Variants in STIM1 observed in about 807,000 individuals in gnomAD.
STIM1 encodes stromal interaction molecule 1.
In STIM1, 25 loss-of-function variants were observed where a neutral mutation model predicts 74.7. The observed-to-expected ratio is 0.33, with a 90% confidence interval of 0.24 to 0.47. The LOEUF is 0.47. STIM1 is among the 20% of genes least tolerant of loss of function. The pLI, the probability that STIM1 is intolerant of heterozygous loss-of-function variation, is 1.00. For missense variants in STIM1, 728 were observed against 920.8 expected (o/e 0.79, Z 2.71); for synonymous variants, 328 against 348.8 (o/e 0.94, Z 0.66).
At chr11:3,940,358 C>A (rs1268347943) in intron 1 of STIM1, among the ~76,000 whole-genome samples, 1 of 152,054 alleles carries the variant, frequency 6.6e-6, no homozygotes, top group Non-Finnish European at 1.5e-5. Context: ...AATGCAAAAT[C>A]AAATTGTATA....
intron 3 of STIM1, among the ~76,000 whole-genome samples, chr11:4,025,050 AT>A (rs2093987940): frequency 6.6e-6 from 1 of 152,212 alleles, no homozygotes; most frequent in Non-Finnish European, 1.5e-5. Context: ...GCCTAGATGT[AT>A]AAAGTTACTT....
intron 2 of STIM1, among the ~76,000 whole-genome samples, chr11:4,021,421 C>T (rs568672623): frequency 2.0e-4 from 31 of 152,194 alleles, no homozygotes; most frequent in African/African-American, 4.3e-4. Context: ...CCACCGTGCC[C>T]GGCCCCCAGT....
intron 1 of STIM1, among the ~76,000 whole-genome samples, chr11:3,883,806 T>G (rs2091606713): frequency 6.6e-6 from 1 of 152,242 alleles, no homozygotes; most frequent in South Asian, 2.1e-4. Flanking sequence ...GAGTATAGAC[T>G]GAAGACTTAC....
At chr11:4,009,099 G>A (rs2093810229) in intron 2 of STIM1, among the ~76,000 whole-genome samples, 1 of 149,392 alleles carries the variant, frequency 6.7e-6, no homozygotes, top group African/African-American at 2.5e-5. Flanking sequence ...AGACCATTCT[G>A]GCTAACACAG....
intron 3 of STIM1, among the ~76,000 whole-genome samples, chr11:4,038,038 C>CTTT (rs538655034): frequency 1.4e-5 from 2 of 141,148 alleles, no homozygotes; most frequent in South Asian, 4.5e-4. Flanking sequence ...TCATCACAGT[C>CTTT]TTTTTTTTTT....
At chr11:4,089,068 CA>C (rs1347149421) in intron 12 of STIM1, 860 of 252,396 alleles carry the variant, frequency 3.4e-3, no homozygotes, top group Middle Eastern at 0.011. Context: ...CCTGTCTCTA[CA>C]AAAAAAAAAT....
At chr11:3,969,987 T>C (rs951719306) in intron 2 of STIM1, among the ~76,000 whole-genome samples, 1 of 152,030 alleles carries the variant, frequency 6.6e-6, no homozygotes, top group African/African-American at 2.4e-5. Context: ...TCCCAGGGCC[T>C]GGCCAGAAAA....
intron 1 of STIM1, among the ~76,000 whole-genome samples, chr11:3,894,362 C>G (rs2091990684): frequency 6.6e-6 from 1 of 152,124 alleles, no homozygotes; most frequent in Admixed American, 6.5e-5. Context: ...CTGTCTTACC[C>G]TAGAGCCAGG....
At chr11:3,957,323 C>T (rs867058328) in intron 1 of STIM1, among the ~76,000 whole-genome samples, 5 of 152,038 alleles carry the variant, frequency 3.3e-5, no homozygotes, top group African/African-American at 7.3e-5. Context: ...GTGGTGTGGT[C>T]TTGGCTCACT....
At chr11:3,963,079 G>A (rs2093304601) in intron 1 of STIM1, among the ~76,000 whole-genome samples, 1 of 152,162 alleles carries the variant, frequency 6.6e-6, no homozygotes, top group Non-Finnish European at 1.5e-5. Flanking sequence ...CGCAATGTAG[G>A]TAATTAAATT....
intron 3 of STIM1, among the ~76,000 whole-genome samples, chr11:4,029,428 A>G (rs971925912): frequency 3.3e-5 from 5 of 151,804 alleles, no homozygotes; most frequent in Non-Finnish European, 5.9e-5. Context: ...GAGTTTGCAC[A>G]TTTTCTCCAT....
At chr11:3,869,872 G>A (rs904663324) in intron 1 of STIM1, among the ~76,000 whole-genome samples, 19 of 152,140 alleles carry the variant, frequency 1.2e-4, no homozygotes, top group Admixed American at 1.2e-3. Context: ...GCATTGTGGA[G>A]GTAAAATCAG....
At chr11:3,892,593 A>G in intron 1 of STIM1, 5 of 1,602,650 alleles carry the variant, frequency 3.1e-6, no homozygotes, top group Non-Finnish European at 4.3e-6. Context: ...TTTGCCATGG[A>G]CAAGATGCCA....
rs75634346 is a variant in STIM1 at position 3,876,695 on chromosome 11, G to C, written c.139+20286G>C. Among the ~76,000 whole-genome samples, 1,287 of 150,424 alleles carry C rather than the reference G, an allele frequency of 8.6e-3. 13 individuals carry two copies. The highest frequency in any genetic ancestry group is 0.029 in the African/African-American group (1,210 of 41,432). On this transcript the variant is annotated intron_variant, in intron 1 of 12. Transcript: ENST00000526596. The stretch of plus-strand genomic sequence containing the variant: ...AAGTGATGGAATTATGGGCCACTGG[G>C]TCTGGCCTTCAATACATGTTTATTG...
At chr11:3,961,804 G>A (rs1295404736) in intron 1 of STIM1, among the ~76,000 whole-genome samples, 5 of 152,250 alleles carry the variant, frequency 3.3e-5, no homozygotes, top group East Asian at 1.9e-4. Flanking sequence ...CACTGCGCCC[G>A]GCCAAATACC....
chr11:3,860,778 A>G (rs949784242), intron 1 of STIM1, among the ~76,000 whole-genome samples: 1 of 152,272 alleles, frequency 6.6e-6, no homozygotes, highest in East Asian at 1.9e-4. Context: ...CCTTAACTTA[A>G]ATCAGTTTTT....
At chr11:3,967,913 A>C (rs1212763521) in intron 2 of STIM1, among the ~76,000 whole-genome samples, 1 of 152,114 alleles carries the variant, frequency 6.6e-6, no homozygotes, top group East Asian at 1.9e-4. Context: ...CCCCCTGCCT[A>C]CTGGCTAGTT....
chr11:4,052,233 T>G (rs1185302289), intron 3 of STIM1, among the ~76,000 whole-genome samples: 2 of 152,194 alleles, frequency 1.3e-5, no homozygotes, highest in African/African-American at 2.4e-5. Flanking sequence ...CAATGAATTT[T>G]TTCACAGAAT....
chr11:4,021,126 G>A (rs1019660239), intron 2 of STIM1, among the ~76,000 whole-genome samples: 1 of 143,114 alleles, frequency 7.0e-6, no homozygotes, highest in South Asian at 2.3e-4. Flanking sequence ...TTTGTATTTT[G>A]TTGCCTATGG....
Sources: allele counts gnomAD v4.1 joint callset (sites outside exome capture counted in the v4.1 genomes callset), GRCh38; gene constraint gnomAD v4.1.1; transcripts MANE v1.5; gene names NCBI Gene and HGNC (gene_info 2026-07-23, HGNC 2026-07-21).